The following RAD52 variants were observed in gnomAD, a reference collection of about 807,000 sequenced individuals.
The protein encoded by RAD52 is DNA repair protein RAD52 homolog.
Under a neutral mutation model 55.5 loss-of-function variants are expected in RAD52, and 47 were observed. The ratio of observed to expected loss-of-function variants is 0.85; its 90% confidence interval spans 0.67 to 1.08. RAD52 has a LOEUF of 1.08. Among genes scored for constraint, RAD52 ranks in the 50% least tolerant of loss-of-function variants. RAD52 has a pLI of 0.00. For synonymous variants in RAD52, 184 were observed against 198.9 expected, an observed-to-expected ratio of 0.92 and a Z score of 0.63; for missense variants, 468 against 522.8, an observed-to-expected ratio of 0.90 and a Z score of 1.02.
chr12:929,791 G>A (rs765575498), intron 5 of RAD52, 28 bp downstream of exon 5: 14 of 1,598,424 alleles, frequency 8.8e-6, no homozygotes, highest in Admixed American at 6.7e-5. Flanking sequence ...TGATCCTTCC[G>A]GGCAGCAGGT....
chr12:913,478 G>A (rs748142095), intron 11 of RAD52, 26 bp from the exon 12 acceptor site: 54 of 1,494,026 alleles, frequency 3.6e-5, no homozygotes, highest in Non-Finnish European at 4.7e-5. Context: ...TGGCTTAAAT[G>A]TAGCTGCCAT....
chr12:939,220 A>G (rs925752336), intron 1 of RAD52, among the ~76,000 whole-genome samples: 44 of 152,116 alleles, frequency 2.9e-4, no homozygotes, highest in African/African-American at 1.0e-3. Context: ...TGAGGCGATC[A>G]TGGCTCACCG....
chr12:939,584 C>T (rs1957816265), intron 1 of RAD52, among the ~76,000 whole-genome samples: 1 of 152,190 alleles, frequency 6.6e-6, no homozygotes, highest in Non-Finnish European at 1.5e-5. Context: ...ACAGACCAAC[C>T]AACCGGAGAA....
Position 945,465 on chromosome 12 carries a change from A to T in RAD52, c.-19+4137T>A, listed in dbSNP as rs10849597. ...GTCTTTTTTTTTTTGAGGGGGAGACACTCTGTTGCCCAGGCTGGAGTACAG... is the reference window on the plus strand; with the variant it reads ...GTCTTTTTTTTTTTGAGGGGGAGACTCTCTGTTGCCCAGGCTGGAGTACAG... On this transcript the variant is annotated intron_variant, in intron 1 of 11. Transcript: ENST00000358495. Among the ~76,000 whole-genome samples the T allele has an allele frequency of 9.3e-5, 14 of 150,822 alleles. No individual in the cohort carries two copies. In the South Asian group the frequency reaches 2.9e-3, roughly 32 times the overall value.
At chr12:950,042 A>AGTGCCCATTAGG (rs1762323374), upstream of RAD52, among the ~76,000 whole-genome samples, 1 of 152,168 alleles carries the variant, frequency 6.6e-6, no homozygotes, top group Admixed American at 6.5e-5. Flanking sequence ...TCACATGCCC[A>AGTGCCCATTAGG]GTGCCCATTA....
At chr12:978,718 A>C (rs999740021) in intron 1 of RAD52, among the ~76,000 whole-genome samples, 3 of 151,850 alleles carry the variant, frequency 2.0e-5, no homozygotes, top group Admixed American at 6.6e-5. Flanking sequence ...CAGGAGAATT[A>C]CTGGAACCCA....
At position 955,475 on chromosome 12, in the gene RAD52, TTTC is replaced by T. The variant is rs1410262667; in HGVS notation, c.-18-22402_-18-22400del. On this transcript the variant is annotated intron_variant, in intron 1 of 11. Coordinates refer to the RAD52 transcript ENST00000430095. ...CAGCAACGTACTGTTCTTCTTCTTCTTTCTTTTTTTTTTTTTGAGACGGAGTCT... is the reference window on the plus strand; with the variant it reads ...CAGCAACGTACTGTTCTTCTTCTTCTTTTTTTTTTTTTTGAGACGGAGTCT... 1.0e-4 allele frequency among the ~76,000 whole-genome samples: 13 copies of T among 128,828 alleles called. No homozygotes were observed. In the East Asian group the frequency reaches 2.5e-3, roughly 25 times the overall value. The allele number at this position is 128,828 out of a possible 152,430, so 84.5% of individuals were successfully genotyped here.
intron 1 of RAD52, among the ~76,000 whole-genome samples, chr12:965,231 A>C (rs1425365162): frequency 1.3e-5 from 2 of 150,060 alleles, no homozygotes; most frequent in Non-Finnish European, 1.5e-5. Flanking sequence ...GCCCACCTCG[A>C]CTCCCAAAGT....
chr12:915,463 T>C (rs1399519888), intron 9 of RAD52, among the ~76,000 whole-genome samples: 1 of 152,090 alleles, frequency 6.6e-6, no homozygotes, highest in Non-Finnish European at 1.5e-5. Flanking sequence ...GGGCAAAAGC[T>C]CGATGGGTCT....
At chr12:913,585 G>A (rs1401141282) in intron 11 of RAD52, 133 bp from the exon 12 acceptor site, 24 of 813,822 alleles carry the variant, frequency 2.9e-5, no homozygotes, top group Non-Finnish European at 4.7e-5. Context: ...TAGGAGGAAG[G>A]CAGATGATTC....
chr12:969,100 A>G (rs1958807404), intron 1 of RAD52, among the ~76,000 whole-genome samples: 1 of 152,090 alleles, frequency 6.6e-6, no homozygotes, highest in African/African-American at 2.4e-5. Flanking sequence ...TTTACTTTGT[A>G]TTAGATATTA....
At chr12:987,117 C>A (rs968309771) in intron 1 of RAD52, among the ~76,000 whole-genome samples, 4 of 151,846 alleles carry the variant, frequency 2.6e-5, no homozygotes, top group Non-Finnish European at 5.9e-5. Context: ...ATTACAGGTG[C>A]CCGCCATCAT....
At chr12:929,702 G>T in intron 5 of RAD52, 117 bp downstream of exon 5, 1 of 973,616 alleles carries the variant, frequency 1.0e-6, no homozygotes, top group Non-Finnish European at 1.7e-6. Flanking sequence ...AGGGAACGCT[G>T]GCTGAGACAC....
chr12:916,601 G>A, intron 8 of RAD52, 38 bp downstream of exon 8: 1 of 1,600,118 alleles, frequency 6.2e-7, no homozygotes, highest in Non-Finnish European at 8.5e-7. Flanking sequence ...TGACACAGGA[G>A]GGGCCGCAGA....
chr12:966,272 T>A (rs557206884), intron 1 of RAD52, among the ~76,000 whole-genome samples: 1 of 152,122 alleles, frequency 6.6e-6, no homozygotes, highest in South Asian at 2.1e-4. Context: ...GGGCCCAATA[T>A]GTAAATAGGG....
In RAD52 at chr12:978,931, T is replaced by C. The variant is rs12827727; in HGVS notation, c.-19+10878A>G. Reference sequence around the variant, plus strand: ...ATAGATAGATAGACAGACAGACAGATAGATATAGATATAAGCCATGTATAT... The same window carrying C: ...ATAGATAGATAGACAGACAGACAGACAGATATAGATATAAGCCATGTATAT... On this transcript the variant is annotated intron_variant, in intron 1 of 11. Transcript: ENST00000430095. Among the ~76,000 whole-genome samples the C allele has an allele frequency of 5.8e-4, 77 of 132,300 alleles. No homozygotes were observed. In the South Asian group the frequency reaches 6.3e-3, roughly 11 times the overall value. 86.8% of individuals were successfully genotyped at this position (132,300 alleles called of 152,430 possible). A position where few individuals can be genotyped will look rare whatever the true frequency, so the allele number is the denominator to read the frequency against.
intron 2 of RAD52, among the ~76,000 whole-genome samples, chr12:931,779 C>A (rs952174692): frequency 6.6e-6 from 1 of 152,168 alleles, no homozygotes; most frequent in Non-Finnish European, 1.5e-5. Context: ...GCACAGGAAG[C>A]AAGTACGGAA....
upstream of RAD52, among the ~76,000 whole-genome samples, chr12:953,990 C>G (rs867716831): frequency 6.6e-6 from 1 of 152,202 alleles, no homozygotes; most frequent in Admixed American, 6.5e-5. Flanking sequence ...TGTATGTCCA[C>G]ACCCCTGCCA....
Position 936,212 on chromosome 12 carries a change from G to A in RAD52, c.-18-3136C>T, listed in dbSNP as rs556092465. Among the ~76,000 whole-genome samples the A allele has an allele frequency of 1.7e-3, 260 of 152,056 alleles. 4 individuals are homozygous for A. Among genetic ancestry groups the A allele is most frequent in the African/African-American group, 6.1e-3 (252 of 41,522 alleles). On this transcript the variant is annotated intron_variant, in intron 1 of 11. Coordinates refer to ENST00000358495, the MANE Select transcript of RAD52 (RefSeq NM_134424.4). Reference sequence around the variant, plus strand: ...CCAGCTACTCGGGGGGCTGAGGCTGGAGAATTGCTTGTACCCGGGAGGCGG... The same window carrying A: ...CCAGCTACTCGGGGGGCTGAGGCTGAAGAATTGCTTGTACCCGGGAGGCGG...
Sources: allele counts gnomAD v4.1 joint callset (sites outside exome capture counted in the v4.1 genomes callset), GRCh38; gene constraint gnomAD v4.1.1; transcripts MANE v1.5; gene names NCBI Gene and HGNC (gene_info 2026-07-23, HGNC 2026-07-21).